Variants in HHIP observed in about 807,000 individuals in gnomAD.
HHIP encodes hedgehog-interacting protein.
In HHIP, 12 loss-of-function variants were observed where a neutral mutation model predicts 74.0. The ratio of observed to expected loss-of-function variants is 0.16; its 90% CI spans 0.10 to 0.26. The LOEUF is 0.26. Among genes scored for constraint, HHIP ranks in the 10% least tolerant of loss-of-function variants. HHIP has a pLI of 1.00. For missense variants in HHIP, 788 were observed against 845.0 expected, an observed-to-expected ratio of 0.93 and a Z score of 0.84; for synonymous variants, 309 against 311.6, an observed-to-expected ratio of 0.99 and a Z score of 0.09.
In HHIP at chr4:144,652,789, A is replaced by G. The variant is rs200538760; in HGVS notation, c.464A>G (p.His155Arg). 5 of 1,578,832 alleles carry G rather than the reference A, an allele frequency of 3.2e-6. No individual in the cohort carries two copies. Among genetic ancestry groups the G allele is most frequent in the South Asian group, 1.2e-5 (1 of 85,580 alleles). The part of the protein sequence containing the change: ...CKEFFYTCRG[H>R]IPGFLQTTAD... ...GAATTCTTTTACACTTGCCGAGGCC[A>G]TATTCCAGGTAAGAAAAAAAAATGC... is the stretch of plus-strand genomic sequence containing the variant. The change falls in exon 2 of 13, where the codon CAT (histidine) becomes CGT (arginine). Residue 155 changes from histidine (H) to arginine (R), a missense_variant. His to Arg is a conservative substitution (Grantham distance 29). Around this residue, in one of 3 missense-constraint regions of HHIP, gnomAD observed 373 missense variants for 366.4 expected, o/e 1.02. Coordinates refer to ENST00000296575, the MANE Select transcript of HHIP (RefSeq NM_022475.3).
At chr4:144,735,823 A>C (rs1731101698) in intron 12 of HHIP, among the ~76,000 whole-genome samples, 1 of 152,186 alleles carries the variant, frequency 6.6e-6, no homozygotes. Context: ...TAACAAAAAA[A>C]CCAACATTTA....
chr4:144,699,460 G>A (rs1359881664), intron 4 of HHIP, among the ~76,000 whole-genome samples: 1 of 152,056 alleles, frequency 6.6e-6, no homozygotes, highest in African/African-American at 2.4e-5. Context: ...ACACAGACAT[G>A]ATTGATTGAA....
chr4:144,685,466 T>C (rs942763374), intron 4 of HHIP: 1 of 152,236 alleles, frequency 6.6e-6, no homozygotes, highest in African/African-American at 2.4e-5. Flanking sequence ...ATGACTTTTA[T>C]AATAGCAACA....
At chr4:144,657,975 GTTATTCATTAGATTTATTAT>G (rs1728597420) in intron 2 of HHIP, among the ~76,000 whole-genome samples, 1 of 152,110 alleles carries the variant, frequency 6.6e-6, no homozygotes. Context: ...ATGACCTTGT[GTTATTCATTAGATTTATTAT>G]TTAATCTTAT....
rs760943417 is a variant in HHIP at position 144,715,364 on chromosome 4, G to A, written c.1612G>A (p.Gly538Ser). ...KQWQEKPLCL[G>S]TSGSCRGYFS... ...GTGGCAAGAAAAACCACTCTGTCTC[G>A]GCACTAGTGGGTCCTGTAGAGGCTA... Residue 538 changes from glycine to serine, a missense_variant, in exon 10 of 13, where the codon GGC becomes AGC. Physicochemically the swap from Gly to Ser is moderately conservative, Grantham distance 56. Transcript: ENST00000296575. 24 of 1,613,020 alleles carry A rather than the reference G, an allele frequency of 1.5e-5. No individual in the cohort carries two copies. The highest frequency in any genetic ancestry group is 1.3e-4 in the East Asian group (6 of 44,854).
At chr4:144,670,940 G>A (rs1442233589) in intron 4 of HHIP, among the ~76,000 whole-genome samples, 11 of 152,076 alleles carry the variant, frequency 7.2e-5, no homozygotes, top group African/African-American at 2.7e-4. Context: ...TTCAGGAAAA[G>A]TGAAACAAAA....
In HHIP at chr4:144,671,933, G is replaced by A. The variant is rs534822489; in HGVS notation, c.831+12095G>A. Among the ~76,000 whole-genome samples the A allele has an allele frequency of 6.6e-5, 10 of 152,170 alleles. 1 individual carries two copies. In the Middle Eastern group the frequency reaches 0.01, roughly 155 times the overall value. ...CAGGAGGCAGAGGTTGCAGTGAGCC[G>A]AGATCATGCCATTGCACTCCAGCCC... is the stretch of plus-strand genomic sequence containing the variant. On this transcript the variant is annotated intron_variant, in intron 4 of 12. Coordinates refer to ENST00000296575, the MANE Select transcript of HHIP (RefSeq NM_022475.3).
Position 144,712,086 on chromosome 4 carries a change from A to G in HHIP, c.1423+15A>G. The G allele has an allele frequency of 6.2e-7, 1 of 1,604,918 alleles. No individual in the cohort carries two copies. Among genetic ancestry groups the G allele is most frequent in the Non-Finnish European group, 8.5e-7 (1 of 1,175,504 alleles). ...GAAAGATTATGGTATGTAGAGCATA[A>G]TTTGCTGATTTTGCTTTAGTTCAAG... On this transcript the variant is annotated intron_variant, in intron 8 of 12. Transcript: ENST00000296575.
intron 1 of HHIP, chr4:144,647,159 T>G: frequency 3.9e-6 from 2 of 512,596 alleles, no homozygotes; most frequent in Admixed American, 3.5e-5. Context: ...GAGTCCGCGG[T>G]CGGGATGCTG....
chr4:144,657,572 T>C (rs1009231286), intron 2 of HHIP, among the ~76,000 whole-genome samples: 2 of 152,206 alleles, frequency 1.3e-5, no homozygotes, highest in Non-Finnish European at 2.9e-5. Flanking sequence ...CTTGCTAATA[T>C]GTCCCAGAAA....
At chr4:144,669,233 G>C (rs970262145) in intron 4 of HHIP, among the ~76,000 whole-genome samples, 1 of 151,988 alleles carries the variant, frequency 6.6e-6, no homozygotes, top group Admixed American at 6.6e-5. Flanking sequence ...AATTATCTTT[G>C]GACATTTCAG....
In HHIP at chr4:144,708,074, A is replaced by G. The variant is rs571624908; in HGVS notation, c.1158-94A>G. Reference sequence around the variant, plus strand: ...ATATTTTATTTCAACTAAGGGGATGATTTTTTCATCAATAGAGCAACCTCA... The same window carrying G: ...ATATTTTATTTCAACTAAGGGGATGGTTTTTTCATCAATAGAGCAACCTCA... On this transcript the variant is annotated intron_variant, in intron 6 of 12. Transcript: ENST00000296575. 37 of 1,340,494 alleles carry G rather than the reference A, an allele frequency of 2.8e-5. No individual in the cohort carries two copies. The African/African-American group carries it at 4.5e-4, about 16-fold the overall frequency. The allele number at this position is 1,340,494 out of a possible 1,614,324, so 83.0% of individuals were successfully genotyped here. A position where few individuals can be genotyped will look rare whatever the true frequency, so the allele number is the denominator to read the frequency against.
At chr4:144,699,692 A>T (rs780785500) in intron 4 of HHIP, among the ~76,000 whole-genome samples, 1 of 152,022 alleles carries the variant, frequency 6.6e-6, no homozygotes, top group Non-Finnish European at 1.5e-5. Context: ...CACTCCTATC[A>T]CTCAGGAAAT....
chr4:144,669,029 T>C (rs192180301), intron 4 of HHIP, among the ~76,000 whole-genome samples: 28 of 150,480 alleles, frequency 1.9e-4, no homozygotes, highest in African/African-American at 5.6e-4. Context: ...TAATATATAA[T>C]ATTTATATGC....
At chr4:144,722,695 A>G (rs190210996) in intron 11 of HHIP, among the ~76,000 whole-genome samples, 1 of 152,072 alleles carries the variant, frequency 6.6e-6, no homozygotes, top group Non-Finnish European at 1.5e-5. Flanking sequence ...TCTACTAAAA[A>G]TACAAAAAAT....
At chr4:144,667,800 T>C (rs1728917672) in intron 4 of HHIP, among the ~76,000 whole-genome samples, 1 of 152,176 alleles carries the variant, frequency 6.6e-6, no homozygotes, top group Non-Finnish European at 1.5e-5. Flanking sequence ...TTTCTGTCAA[T>C]CTACCACAGA....
Position 144,707,081 on chromosome 4 carries a change from A to ATG in HHIP, c.984-4_984-3dup. 1 of 1,613,190 alleles carries ATG rather than the reference A, an allele frequency of 6.2e-7. No individual in the cohort carries two copies. Among genetic ancestry groups the ATG allele is most frequent in the Non-Finnish European group, 8.5e-7 (1 of 1,179,132 alleles). Reference sequence around the variant, plus strand: ...GTCATGGTATTGTTTTCTTCCCACAATGTAGAAAAAATCCACACCAAGTTG... The same window carrying ATG: ...GTCATGGTATTGTTTTCTTCCCACAATGTGTAGAAAAAATCCACACCAAGTTG... On this transcript the variant is annotated splice_polypyrimidine_tract_variant and splice_region_variant and intron_variant, in intron 5 of 12. Coordinates refer to ENST00000296575, the MANE Select transcript of HHIP (RefSeq NM_022475.3).
intron 4 of HHIP, among the ~76,000 whole-genome samples, chr4:144,687,797 C>A (rs1268250159): frequency 8.8e-6 from 1 of 114,052 alleles, no homozygotes; most frequent in East Asian, 2.7e-4. Flanking sequence ...GCCTATAGGT[C>A]ATCTCAGCAT....
chr4:144,677,688 C>T (rs796988081), intron 4 of HHIP, among the ~76,000 whole-genome samples: 1 of 152,136 alleles, frequency 6.6e-6, no homozygotes, highest in Non-Finnish European at 1.5e-5. Context: ...TAAGACCACT[C>T]GGAGCCGGAG....
Sources: allele counts gnomAD v4.1 joint callset (sites outside exome capture counted in the v4.1 genomes callset), GRCh38; gene constraint gnomAD v4.1.1; regional missense constraint gnomAD v4.1.1; transcripts MANE v1.5; gene names NCBI Gene and HGNC (gene_info 2026-07-23, HGNC 2026-07-21).